Variants in RBFOX1 observed in about 807,000 individuals in gnomAD.
RBFOX1 encodes RNA binding protein fox-1 homolog 1.
A neutral mutation model predicts 57.7 loss-of-function variants in RBFOX1; 8 were observed. The ratio of observed to expected loss-of-function variants is 0.14; its 90% CI spans 0.08 to 0.25. The LOEUF (loss-of-function observed/expected upper bound fraction) is 0.25, where lower values mean the gene tolerates loss of function less well. RBFOX1 is among the 10% of genes least tolerant of loss of function. The pLI, the probability that RBFOX1 is intolerant of heterozygous loss-of-function variation, is 1.00. For synonymous variants in RBFOX1, 326 were observed against 222.4 expected (o/e 1.47, Z -4.15); for missense variants, 611 against 548.5 (o/e 1.11, Z -1.14).
At chr16:5,710,837 T>C (rs545633433) in intron 3 of RBFOX1, among the ~76,000 whole-genome samples, 34 of 152,332 alleles carry the variant, frequency 2.2e-4, no homozygotes, top group Admixed American at 1.8e-3. Context: ...GCAAGAGCTG[T>C]TGTGGCTCTG....
chr16:5,502,757 G>C (rs1179664636), intron 2 of RBFOX1, among the ~76,000 whole-genome samples: 2 of 152,174 alleles, frequency 1.3e-5, no homozygotes, highest in African/African-American at 4.8e-5. Context: ...CAGTGCACCA[G>C]AGCCTGCCCC....
chr16:7,268,831 G>A (rs971615254), intron 4 of RBFOX1, among the ~76,000 whole-genome samples: 6 of 152,032 alleles, frequency 3.9e-5, no homozygotes, highest in Admixed American at 2.6e-4. Flanking sequence ...GAGGTCAGGA[G>A]TTCGATACCA....
intron 5 of RBFOX1, among the ~76,000 whole-genome samples, chr16:7,542,401 C>T (rs1319003963): frequency 6.6e-6 from 1 of 152,032 alleles, no homozygotes; most frequent in Non-Finnish European, 1.5e-5. Flanking sequence ...CCCGGGTCTG[C>T]AGGTGAAATT....
chr16:6,609,881 A>G (rs1273030369), intron 2 of RBFOX1, among the ~76,000 whole-genome samples: 1 of 151,932 alleles, frequency 6.6e-6, no homozygotes, highest in Non-Finnish European at 1.5e-5. Context: ...GGTGGTGCGC[A>G]CCTGTAGTCC....
chr16:7,480,890 G>T (rs528902005), intron 4 of RBFOX1, among the ~76,000 whole-genome samples: 1 of 152,184 alleles, frequency 6.6e-6, no homozygotes, highest in Admixed American at 6.5e-5. Flanking sequence ...CCCTCTGAGG[G>T]GATGCGAGGG....
chr16:7,445,408 A>G (rs1305621489), intron 4 of RBFOX1, among the ~76,000 whole-genome samples: 1 of 152,206 alleles, frequency 6.6e-6, no homozygotes, highest in Non-Finnish European at 1.5e-5. Flanking sequence ...TGAGGAAATG[A>G]AAGTAGGAAT....
chr16:7,101,172 T>C (rs2062627044), intron 4 of RBFOX1, among the ~76,000 whole-genome samples: 1 of 152,196 alleles, frequency 6.6e-6, no homozygotes, highest in Admixed American at 6.5e-5. Flanking sequence ...GTCAGAGCTA[T>C]GCATGCAGGC....
intron 1 of RBFOX1, chr16:6,057,106 T>G (rs894888639): frequency 6.6e-6 from 1 of 152,080 alleles, no homozygotes; most frequent in Admixed American, 6.6e-5. Context: ...ATAAATCAAG[T>G]GAGTTTTTGT....
intron 1 of RBFOX1, among the ~76,000 whole-genome samples, chr16:5,297,844 A>T (rs1291898402): frequency 6.6e-6 from 1 of 152,228 alleles, no homozygotes; most frequent in Non-Finnish European, 1.5e-5. Flanking sequence ...ATTATGAAAC[A>T]CTTATTCCCT....
intron 1 of RBFOX1, among the ~76,000 whole-genome samples, chr16:6,218,951 A>T (rs1308136279): frequency 6.6e-6 from 1 of 152,120 alleles, no homozygotes; most frequent in African/African-American, 2.4e-5. Context: ...TGTGGTTTTC[A>T]ACATAAAAGC....
chr16:5,921,961 G>A (rs903643081), intron 4 of RBFOX1, among the ~76,000 whole-genome samples: 1 of 151,550 alleles, frequency 6.6e-6, no homozygotes, highest in East Asian at 1.9e-4. Flanking sequence ...CGACTAGCAT[G>A]AGCAACACAG....
At chr16:7,186,994 CA>C (rs35177784) in intron 4 of RBFOX1, among the ~76,000 whole-genome samples, 19,477 of 70,624 alleles carry the variant, frequency 0.28, 1,412 homozygotes, top group Non-Finnish European at 0.31. Flanking sequence ...CCCACCTCCA[CA>C]AAAAAAAAAA....
chr16:6,180,253 G>T (rs1397930857), intron 1 of RBFOX1, among the ~76,000 whole-genome samples: 1 of 151,644 alleles, frequency 6.6e-6, no homozygotes, highest in Non-Finnish European at 1.5e-5. Flanking sequence ...CTGGGGTCTG[G>T]GTTTTTCTTT....
chr16:6,682,481 G>T (rs2154123341), intron 3 of RBFOX1, among the ~76,000 whole-genome samples: 3 of 152,276 alleles, frequency 2.0e-5, no homozygotes, highest in Admixed American at 2.0e-4. Context: ...CATTGAATGT[G>T]CTTAATGGTT....
At chr16:5,897,665 A>G (rs1439229134) in intron 4 of RBFOX1, among the ~76,000 whole-genome samples, 1 of 152,172 alleles carries the variant, frequency 6.6e-6, no homozygotes, top group Non-Finnish European at 1.5e-5. Flanking sequence ...GATAAGGTGA[A>G]CAAACCTTTT....
chr16:5,313,292 G>T (rs949567976), intron 1 of RBFOX1, among the ~76,000 whole-genome samples: 2 of 152,132 alleles, frequency 1.3e-5, no homozygotes, highest in Admixed American at 1.3e-4. Context: ...AATCATGGCA[G>T]TTGATGAGGA....
rs1241320751 is a variant in RBFOX1 at position 7,229,792 on chromosome 16, G to A, written c.27+177694G>A. On this transcript the variant is annotated intron_variant, in intron 4 of 15. Transcript: ENST00000550418. Reference sequence around the variant, plus strand: ...AGGGAGAGAGAGGAAGGAAGGGAGAGAGAGGGAGGAAGGGAGAGAGAGGAA... The same window carrying A: ...AGGGAGAGAGAGGAAGGAAGGGAGAAAGAGGGAGGAAGGGAGAGAGAGGAA... Among the ~76,000 whole-genome samples, 164 of 72,558 alleles carry A rather than the reference G, an allele frequency of 2.3e-3. 7 individuals carry two copies. The highest frequency in any genetic ancestry group is 0.01 in the African/African-American group (157 of 15,590). 47.6% of individuals were successfully genotyped at this position (72,558 alleles called of 152,430 possible). A position where few individuals can be genotyped will look rare whatever the true frequency, so the allele number is the denominator to read the frequency against.
At chr16:6,459,113 A>G (rs1158251873) in intron 2 of RBFOX1, among the ~76,000 whole-genome samples, 1 of 152,204 alleles carries the variant, frequency 6.6e-6, no homozygotes, top group African/African-American at 2.4e-5. Flanking sequence ...AGGTGGGTGG[A>G]TCCCGAGGTC....
chr16:6,686,373 T>A (rs568791291), intron 3 of RBFOX1, among the ~76,000 whole-genome samples: 2 of 152,314 alleles, frequency 1.3e-5, no homozygotes, highest in East Asian at 3.9e-4. Flanking sequence ...TCAGGAAGCC[T>A]GTGGGCCATT....
Sources: allele counts gnomAD v4.1 joint callset (sites outside exome capture counted in the v4.1 genomes callset), GRCh38; gene constraint gnomAD v4.1.1; transcripts MANE v1.5; gene names NCBI Gene and HGNC (gene_info 2026-07-23, HGNC 2026-07-21).